SRGAP2B: variants seen among roughly 807,000 people sequenced by gnomAD.
SRGAP2B encodes SLIT-ROBO Rho GTPase-activating protein 2B.
In SRGAP2B, 9 loss-of-function variants were observed where a neutral mutation model predicts 22.2. The ratio of observed to expected loss-of-function variants is 0.41; its 90% CI spans 0.24 to 0.71. The LOEUF (loss-of-function observed/expected upper bound fraction) is 0.71, where lower values mean the gene tolerates loss of function less well. SRGAP2B is among the 30% of genes least tolerant of loss of function. The pLI is 0.35. For synonymous variants in SRGAP2B, 36 were observed against 87.4 expected (o/e 0.41, Z 3.28); for missense variants, 114 against 235.8 (o/e 0.48, Z 3.38).
intron 3 of SRGAP2B, among the ~76,000 whole-genome samples, chr1:144,984,373 A>AAAAC (rs1246526571): frequency 6.7e-6 from 1 of 148,664 alleles, no homozygotes; most frequent in Non-Finnish European, 1.5e-5. Context: ...AACAAAAAAA[A>AAAAC]AAAAACAAAA....
In SRGAP2B at chr1:145,020,111, C is replaced by A. The variant is rs1191455439; in HGVS notation, c.68-24911G>T. On this transcript the variant is annotated intron_variant, in intron 2 of 9. Coordinates refer to ENST00000612199, the Ensembl canonical transcript of SRGAP2B. ...GGCCTCATCTAAAAGCTCCCTACCC[C>A]TTATTTTAAAATGCAACCTGGGCCA... is the stretch of plus-strand genomic sequence containing the variant. Among the ~76,000 whole-genome samples the A allele has an allele frequency of 6.8e-5, 10 of 146,250 alleles. No individual in the cohort carries two copies. In the East Asian group the frequency reaches 1.4e-3, roughly 20 times the overall value.
intron 2 of SRGAP2B, among the ~76,000 whole-genome samples, chr1:145,010,683 ATT>A (rs2102238907): frequency 6.6e-6 from 1 of 150,722 alleles, no homozygotes; most frequent in South Asian, 2.1e-4. Context: ...TTATAAAATT[ATT>A]TCACCCTCAC....
intron 2 of SRGAP2B, among the ~76,000 whole-genome samples, chr1:145,016,895 C>G (rs1333696661): frequency 6.8e-6 from 1 of 147,928 alleles, no homozygotes; most frequent in Admixed American, 6.7e-5. Context: ...GTCGCCCAGG[C>G]TGGAGTGCAG....
chr1:144,990,926 C>T (rs1670151652), intron 3 of SRGAP2B, among the ~76,000 whole-genome samples: 1 of 151,046 alleles, frequency 6.6e-6, no homozygotes, highest in South Asian at 2.1e-4. Context: ...ATGTCTGAGC[C>T]TCCCACCCAC....
intron 2 of SRGAP2B, among the ~76,000 whole-genome samples, chr1:145,085,155 T>A (rs1553635281): frequency 6.6e-6 from 1 of 151,662 alleles, no homozygotes; most frequent in African/African-American, 2.4e-5. Context: ...TTGGCCAGGC[T>A]GGTCTCGAAC....
chr1:144,931,349 T>G (rs1365823418), intron 4 of SRGAP2B, among the ~76,000 whole-genome samples: 1 of 149,884 alleles, frequency 6.7e-6, no homozygotes, highest in Non-Finnish European at 1.5e-5. Flanking sequence ...CAATGCTATT[T>G]TGTCTTATCT....
intron 7 of SRGAP2B, among the ~76,000 whole-genome samples, chr1:144,904,725 A>G (rs1399741474): frequency 1.4e-4 from 15 of 110,292 alleles, no homozygotes; most frequent in Non-Finnish European, 6.8e-5. Flanking sequence ...AAAAAAAAAA[A>G]GGAAGAAAGT....
intron 3 of SRGAP2B, among the ~76,000 whole-genome samples, chr1:144,956,800 C>A (rs868921675): frequency 6.7e-6 from 1 of 149,190 alleles, no homozygotes; most frequent in East Asian, 2.0e-4. Context: ...TTATTGATTA[C>A]CAACTCAGCA....
intron 3 of SRGAP2B, among the ~76,000 whole-genome samples, chr1:144,972,850 C>T (rs1305404107): frequency 7.2e-6 from 1 of 138,870 alleles, no homozygotes; most frequent in Non-Finnish European, 1.5e-5. Context: ...CTCACACCTG[C>T]ATTCCCAGCA....
intron 3 of SRGAP2B, among the ~76,000 whole-genome samples, chr1:144,957,749 AC>A (rs1667370431): frequency 6.6e-6 from 1 of 150,492 alleles, no homozygotes; most frequent in Admixed American, 6.6e-5. Context: ...TTGCAAGAAA[AC>A]TTTCAAAATG....
intron 4 of SRGAP2B, among the ~76,000 whole-genome samples, chr1:144,947,741 ACTGT>A (rs1666571330): frequency 1.4e-5 from 1 of 72,278 alleles, no homozygotes; most frequent in South Asian, 6.3e-4. Context: ...ATGCTTTAAC[ACTGT>A]CTGTTGCAGA....
At chr1:144,933,072 C>A (rs1233327988) in intron 4 of SRGAP2B, among the ~76,000 whole-genome samples, 1 of 151,764 alleles carries the variant, frequency 6.6e-6, no homozygotes, top group African/African-American at 2.4e-5. Context: ...AGTACCCCTA[C>A]CCCGGCCCTG....
chr1:144,982,905 TAAG>T (rs1186287173), intron 3 of SRGAP2B, among the ~76,000 whole-genome samples: 5 of 149,248 alleles, frequency 3.4e-5, no homozygotes, highest in African/African-American at 1.3e-4. Flanking sequence ...AACAATGACC[TAAG>T]GTTCTACATG....
In SRGAP2B at chr1:144,988,835, C is replaced by T. The variant is rs1382313425; in HGVS notation, c.260+6173G>A. On this transcript the variant is annotated intron_variant, in intron 3 of 9. Coordinates refer to ENST00000612199, the Ensembl canonical transcript of SRGAP2B. The stretch of plus-strand genomic sequence containing the variant: ...CAAAACAGATCTTCCCTCAACACCC[C>T]CACTTCTATCGTGAATGCCACAATT... Among the ~76,000 whole-genome samples, 10 of 144,462 alleles carry T rather than the reference C, an allele frequency of 6.9e-5. 1 individual carries two copies. The highest frequency in any genetic ancestry group is 1.4e-4 in the Non-Finnish European group (9 of 66,540). 94.8% of individuals were successfully genotyped at this position (144,462 alleles called of 152,430 possible).
At chr1:144,991,357 G>A (rs1283935721) in intron 3 of SRGAP2B, among the ~76,000 whole-genome samples, 11 of 147,258 alleles carry the variant, frequency 7.5e-5, no homozygotes, top group African/African-American at 1.3e-4. Flanking sequence ...TTAGCTCAAG[G>A]TTTGTAAGTG....
chr1:144,971,743 T>C lies in SRGAP2B; in HGVS notation c.261-16142A>G, dbSNP rs1290965518. Among the ~76,000 whole-genome samples the C allele has an allele frequency of 1.6e-4, 24 of 150,738 alleles. 1 individual carries two copies. Among genetic ancestry groups the C allele is most frequent in the African/African-American group, 6.0e-4 (24 of 40,262 alleles). On this transcript the variant is annotated intron_variant, in intron 3 of 9. Coordinates refer to ENST00000612199, the Ensembl canonical transcript of SRGAP2B. The stretch of plus-strand genomic sequence containing the variant: ...GCCAGAGTGTACAAAAAGAGAATCA[T>C]GGAATTTCAGAGCTAGAAGGGACTT...
At chr1:144,957,938 G>A (rs1203021155) in intron 3 of SRGAP2B, among the ~76,000 whole-genome samples, 1 of 149,584 alleles carries the variant, frequency 6.7e-6, no homozygotes, top group African/African-American at 2.5e-5. Context: ...AAGATGGATT[G>A]GGGGGGATCT....
intron 4 of SRGAP2B, among the ~76,000 whole-genome samples, chr1:144,939,955 C>CG (rs1377937911): frequency 6.7e-6 from 1 of 148,628 alleles, no homozygotes; most frequent in Admixed American, 6.7e-5. Context: ...GACTGGATCG[C>CG]CCAGTTTGTT....
At chr1:145,003,795 TAGG>T (rs1456927784) in intron 2 of SRGAP2B, among the ~76,000 whole-genome samples, 3 of 149,798 alleles carry the variant, frequency 2.0e-5, no homozygotes, top group Admixed American at 6.7e-5. Flanking sequence ...TCAAAATGAG[TAGG>T]AGAATTCCAT....
Sources: gnomAD v4.1 joint callset for allele counts (sites outside exome capture counted in the v4.1 genomes callset) on GRCh38, gnomAD v4.1.1 for gene constraint, MANE v1.5 for transcripts, NCBI Gene and HGNC (gene_info 2026-07-23, HGNC 2026-07-21) for gene names.